Variants in LPP observed in about 807,000 individuals in gnomAD.
LPP encodes lipoma-preferred partner.
A neutral mutation model predicts 60.4 loss-of-function variants in LPP; 38 were observed. The ratio of observed to expected loss-of-function variants is 0.63; its 90% CI spans 0.49 to 0.83. The LOEUF is 0.83. LPP is among the 40% of genes least tolerant of loss of function. The pLI is 0.00. For synonymous variants in LPP, 328 were observed against 290.8 expected (o/e 1.13, Z -1.30); for missense variants, 902 against 783.6 (o/e 1.15, Z -1.80).
chr3:188,504,594 G>A (rs769607109), intron 5 of LPP, among the ~76,000 whole-genome samples: 5 of 152,162 alleles, frequency 3.3e-5, no homozygotes, highest in East Asian at 1.9e-4. Context: ...TACTGTTACC[G>A]TTTGTATTTT....
At chr3:188,407,780 G>GTTTTTTTTTTTTTTTTTTT (rs1268002703) in intron 4 of LPP, among the ~76,000 whole-genome samples, 1 of 94,898 alleles carries the variant, frequency 1.1e-5, no homozygotes, top group African/African-American at 4.2e-5. Flanking sequence ...TTTTTTTTTT[G>GTTTTTTTTTTTTTTTTTTT]TTTGTTTGTT....
intron 8 of LPP, among the ~76,000 whole-genome samples, chr3:188,722,826 A>C (rs1245297058): frequency 6.6e-6 from 1 of 152,244 alleles, no homozygotes; most frequent in Non-Finnish European, 1.5e-5. Context: ...GCAGAAGACC[A>C]AAAATTTAAG....
chr3:188,351,627 A>G (rs1015364709), intron 3 of LPP, among the ~76,000 whole-genome samples: 2 of 152,238 alleles, frequency 1.3e-5, no homozygotes, highest in African/African-American at 4.8e-5. Context: ...ATCAAAAGCT[A>G]GAATTCCCAT....
chr3:188,290,122 G>A (rs1000363674), intron 2 of LPP, among the ~76,000 whole-genome samples: 2 of 152,026 alleles, frequency 1.3e-5, no homozygotes, highest in African/African-American at 4.8e-5. Flanking sequence ...ATAGGCGCAT[G>A]CCACCATGCC....
At chr3:188,422,674 C>A (rs1228354334) in intron 4 of LPP, among the ~76,000 whole-genome samples, 1 of 152,096 alleles carries the variant, frequency 6.6e-6, no homozygotes, top group Non-Finnish European at 1.5e-5. Context: ...ATATAGTTAT[C>A]CCATGCAGAG....
At chr3:188,540,757 A>T (rs1194531542) in intron 6 of LPP, among the ~76,000 whole-genome samples, 1 of 152,212 alleles carries the variant, frequency 6.6e-6, no homozygotes, top group Non-Finnish European at 1.5e-5. Flanking sequence ...CTGCGTGCTT[A>T]TTCTTAAATT....
chr3:188,773,374 AT>A (rs1316359422), intron 9 of LPP, among the ~76,000 whole-genome samples: 1 of 152,082 alleles, frequency 6.6e-6, no homozygotes, highest in African/African-American at 2.4e-5. Context: ...ATATATATAT[AT>A]AAATTTTTTT....
chr3:188,372,302 A>G (rs1363273245), intron 3 of LPP, among the ~76,000 whole-genome samples: 1 of 152,144 alleles, frequency 6.6e-6, no homozygotes, highest in East Asian at 1.9e-4. Flanking sequence ...AATTTATGGT[A>G]TTCCTTACTA....
chr3:188,843,139 G>A (rs1412395822), intron 9 of LPP, among the ~76,000 whole-genome samples: 2 of 151,970 alleles, frequency 1.3e-5, no homozygotes, highest in Non-Finnish European at 2.9e-5. Flanking sequence ...CTTATATAAG[G>A]GAAAAACATG....
intron 5 of LPP, among the ~76,000 whole-genome samples, chr3:188,503,479 G>T (rs2149903073): frequency 6.6e-6 from 1 of 152,218 alleles, no homozygotes; most frequent in Admixed American, 6.5e-5. Context: ...TTACAATGAT[G>T]TTAGCTCTTA....
At chr3:188,805,962 C>A (rs1424900447) in intron 9 of LPP, among the ~76,000 whole-genome samples, 1 of 151,642 alleles carries the variant, frequency 6.6e-6, no homozygotes, top group Non-Finnish European at 1.5e-5. Flanking sequence ...TTAAATTCAT[C>A]TAAATTTGTT....
intron 7 of LPP, among the ~76,000 whole-genome samples, chr3:188,700,666 C>T (rs2149583123): frequency 6.6e-6 from 1 of 152,294 alleles, no homozygotes; most frequent in Middle Eastern, 3.4e-3. Flanking sequence ...ACCCTGTGAC[C>T]TGCCCATTGC....
chr3:188,327,224 A>G (rs1310439370), intron 2 of LPP, among the ~76,000 whole-genome samples: 1 of 152,156 alleles, frequency 6.6e-6, no homozygotes, highest in African/African-American at 2.4e-5. Context: ...CTCTATTTTT[A>G]TCTAACTGAA....
intron 5 of LPP, among the ~76,000 whole-genome samples, chr3:188,487,882 C>G (rs910804151): frequency 6.6e-6 from 1 of 152,032 alleles, no homozygotes; most frequent in African/African-American, 2.4e-5. Context: ...CAGGTCAGAG[C>G]CAAAAGAACG....
chr3:188,357,066 C>T (rs1251425261), intron 3 of LPP, among the ~76,000 whole-genome samples: 12 of 152,160 alleles, frequency 7.9e-5, no homozygotes, highest in Non-Finnish European at 1.5e-4. Context: ...TGGTTCTCTT[C>T]GCATGGCCTA....
intron 6 of LPP, among the ~76,000 whole-genome samples, chr3:188,567,183 C>T (rs769693009): frequency 2.6e-5 from 4 of 151,890 alleles, no homozygotes; most frequent in Middle Eastern, 3.4e-3. Flanking sequence ...TGAGAGATGA[C>T]GCTGTAAAAC....
chr3:188,720,606 TAAAAA>T (rs535969624), intron 8 of LPP, among the ~76,000 whole-genome samples: 1 of 127,916 alleles, frequency 7.8e-6, no homozygotes. Flanking sequence ...CCGAGGCAAT[TAAAAA>T]AAAAAAAAAA....
chr3:188,608,687 T>C (rs1842986509), intron 6 of LPP, among the ~76,000 whole-genome samples: 1 of 152,180 alleles, frequency 6.6e-6, no homozygotes, highest in African/African-American at 2.4e-5. Context: ...TTAGAATTGT[T>C]TTTTCTATGT....
intron 3 of LPP, among the ~76,000 whole-genome samples, chr3:188,370,419 C>G (rs996959883): frequency 2.0e-5 from 3 of 152,090 alleles, no homozygotes; most frequent in Non-Finnish European, 4.4e-5. Context: ...CTAGCAATCC[C>G]AGGTGTGTTA....
Sources: gnomAD v4.1 joint callset for allele counts (sites outside exome capture counted in the v4.1 genomes callset) on GRCh38, gnomAD v4.1.1 for gene constraint, MANE v1.5 for transcripts, NCBI Gene and HGNC (gene_info 2026-07-23, HGNC 2026-07-21) for gene names.